Variants in RIOK3 observed in about 807,000 individuals in gnomAD.
RIOK3 encodes the protein RIO kinase 3.
In RIOK3, 40 loss-of-function variants were observed where a neutral mutation model predicts 63.5. That is an observed-to-expected ratio of 0.63 (90% CI 0.49 to 0.82). RIOK3 has a LOEUF of 0.82. Ranked by LOEUF, RIOK3 falls within the 40% of genes least tolerant of loss-of-function variation. The pLI, the probability that RIOK3 is intolerant of heterozygous loss-of-function variation, is 0.00. For synonymous variants in RIOK3, 193 were observed against 205.0 expected (o/e 0.94, Z 0.50); for missense variants, 557 against 637.0 (o/e 0.87, Z 1.35).
chr18:23,462,338 A>G (rs11082515), intron 1 of RIOK3, among the ~76,000 whole-genome samples: 23,852 of 151,810 alleles, frequency 0.16, 2,990 homozygotes, highest in East Asian at 0.34. Context: ...ATGGGGTTTC[A>G]CCATGTTGGC....
chr18:23,474,912 T>C lies in RIOK3; in HGVS notation c.1014-36T>C, dbSNP rs1226334526. On this transcript the variant is annotated intron_variant, in intron 8 of 12. Coordinates refer to ENST00000339486, the MANE Select transcript of RIOK3 (RefSeq NM_003831.5). ...ATAAATGACATATTTTCTCTCCTTC[T>C]GATCTGTATATTCTGAATCATTTCT... 4.6e-6 allele frequency: 7 copies of C among 1,516,640 alleles called. No individual in the cohort carries two copies. In the East Asian group the frequency reaches 1.6e-4, roughly 34 times the overall value. 93.9% of individuals were successfully genotyped at this position (1,516,640 alleles called of 1,614,324 possible).
intron 1 of RIOK3, among the ~76,000 whole-genome samples, chr18:23,456,639 C>CA (rs1333582748): frequency 2.6e-5 from 4 of 152,142 alleles, no homozygotes; most frequent in Non-Finnish European, 5.9e-5. Context: ...GCAGTCTTCC[C>CA]ACCATGGCCT....
chr18:23,458,342 G>A (rs2057353883), intron 1 of RIOK3, among the ~76,000 whole-genome samples: 2 of 152,154 alleles, frequency 1.3e-5, no homozygotes, highest in Non-Finnish European at 2.9e-5. Flanking sequence ...GTGCAGCCAG[G>A]CAGGTGGGGG....
chr18:23,473,619 C>G lies in RIOK3; in HGVS notation c.1006C>G (p.Leu336Val), dbSNP rs35401850. The change falls in exon 8 of 13, where the codon CTC becomes GTC. Residue 336 changes from leucine (L) to valine (V), a missense_variant. Physicochemically the swap from Leu to Val is conservative, Grantham distance 32. Transcript: ENST00000339486. ...GTGGGCAGAAAAAGAAATGCACAATCTCGCAAGGTAAAGAAAATATTGTGC... is the reference window on the plus strand; with the variant it reads ...GTGGGCAGAAAAAGAAATGCACAATGTCGCAAGGTAAAGAAAATATTGTGC... ...RMWAEKEMHN[L>V]ARMQRAGIPC... The G allele has an allele frequency of 1.9e-5, 30 of 1,610,864 alleles. No individual in the cohort carries two copies. Among genetic ancestry groups the G allele is most frequent in the Non-Finnish European group, 2.5e-5 (29 of 1,177,942 alleles).
chr18:23,465,811 G>T (rs1474679903), intron 5 of RIOK3, among the ~76,000 whole-genome samples: 1 of 152,184 alleles, frequency 6.6e-6, no homozygotes, highest in East Asian at 1.9e-4. Flanking sequence ...GTAAGATTTG[G>T]TGTAGCCTTC....
intron 7 of RIOK3, among the ~76,000 whole-genome samples, chr18:23,472,979 G>A (rs909728193): frequency 4.6e-5 from 7 of 152,048 alleles, no homozygotes; most frequent in Admixed American, 2.6e-4. Flanking sequence ...TTTATTCTCC[G>A]TTGCCACTTC....
Position 23,477,002 on chromosome 18 carries a change from A to G in RIOK3, c.1174-4A>G. On this transcript the variant is annotated splice_polypyrimidine_tract_variant and splice_region_variant and intron_variant, in intron 9 of 12. Transcript: ENST00000339486. The stretch of plus-strand genomic sequence containing the variant: ...TTCCTAATGTGTGCCTTCCCTCTTC[A>G]CAGTTGATGCGGCAGTTATATCATG... 6.2e-7 allele frequency: 1 copy of G among 1,611,576 alleles called. No homozygotes were observed. The highest frequency in any genetic ancestry group is 8.5e-7 in the Non-Finnish European group (1 of 1,178,194).
At chr18:23,455,213 A>C (rs2057330826) in intron 1 of RIOK3, among the ~76,000 whole-genome samples, 1 of 151,576 alleles carries the variant, frequency 6.6e-6, no homozygotes. Context: ...CTGGGATTAC[A>C]GGCGCCTGCC....
Position 23,482,272 on chromosome 18 carries a change from G to A in RIOK3, c.*993G>A, listed in dbSNP as rs995893739. On this transcript the variant is annotated 3_prime_UTR_variant, in exon 13 of 13. Coordinates refer to ENST00000339486, the MANE Select transcript of RIOK3 (RefSeq NM_003831.5). ...AACCTGTAATCCCAGCACTTTGGGA[G>A]ACCAAGGCGGGTGGATCACTTGAGG... The A allele has an allele frequency of 6.6e-6, 1 of 152,162 alleles. No homozygotes were observed. The highest frequency in any genetic ancestry group is 2.4e-5 in the African/African-American group (1 of 41,440). 9.4% of individuals were successfully genotyped at this position (152,162 alleles called of 1,614,324 possible). A position where few individuals can be genotyped will look rare whatever the true frequency, so the allele number is the denominator to read the frequency against.
chr18:23,472,259 T>C (rs966983253), intron 7 of RIOK3, among the ~76,000 whole-genome samples: 1 of 151,412 alleles, frequency 6.6e-6, no homozygotes, highest in African/African-American at 2.4e-5. Flanking sequence ...GTGGGAGTTG[T>C]CTATATAGAG....
In RIOK3 at chr18:23,467,478, G is replaced by A. The variant is rs1809279368; in HGVS notation, c.767G>A (p.Cys256Tyr). 6.2e-7 allele frequency: 1 copy of A among 1,613,492 alleles called. No homozygotes were observed. Among genetic ancestry groups the A allele is most frequent in the South Asian group, 1.1e-5 (1 of 91,064 alleles). Residue 256 changes from cysteine to tyrosine, a missense_variant, in exon 7 of 13, where the codon TGT becomes TAT. Physicochemically the swap from Cys to Tyr is radical, Grantham distance 194. Coordinates refer to ENST00000339486, the MANE Select transcript of RIOK3 (RefSeq NM_003831.5). The part of the protein sequence containing the change: ...NSGMLETITG[C>Y]ISTGKESVVF... ...GGAATGTTGGAGACAATCACTGGCT[G>A]TATTAGTACAGGAAAGGAGTCTGTT...
chr18:23,480,866 C>T (rs1160072985), intron 12 of RIOK3, among the ~76,000 whole-genome samples: 5 of 152,156 alleles, frequency 3.3e-5, no homozygotes, highest in Non-Finnish European at 7.4e-5. Flanking sequence ...GCGGGTGGAA[C>T]ACCTGAGGTC....
Position 23,456,159 on chromosome 18 carries a change from TG to T in RIOK3, c.63+2660del. 1.3e-5 allele frequency among the ~76,000 whole-genome samples: 2 copies of T among 152,228 alleles called. 1 individual carries two copies. The highest frequency in any genetic ancestry group is 4.1e-4 in the South Asian group (2 of 4,820). The stretch of plus-strand genomic sequence containing the variant: ...GTTGCCTAGGCTGGTCTTGAACTCC[TG>T]GGCTCAAGCAGTACCCCACCCCCTT... On this transcript the variant is annotated intron_variant, in intron 1 of 12. Coordinates refer to ENST00000339486, the MANE Select transcript of RIOK3 (RefSeq NM_003831.5).
At chr18:23,465,042 C>T (rs1415846777) in intron 5 of RIOK3, among the ~76,000 whole-genome samples, 1 of 152,086 alleles carries the variant, frequency 6.6e-6, no homozygotes, top group Non-Finnish European at 1.5e-5. Context: ...GCCTGAACTA[C>T]CTGTGTAAAA....
At position 23,481,263 on chromosome 18, in the gene RIOK3, T is replaced by A; in HGVS notation, c.1544T>A (p.Leu515Gln). The A allele has an allele frequency of 1.9e-6, 3 of 1,599,464 alleles. No individual in the cohort carries two copies. The highest frequency in any genetic ancestry group is 4.5e-5 in the East Asian group (2 of 44,820). ...SFLKDDGDPP[L>Q]LYDE ...TTGAAAGATGATGGAGACCCACCACTACTATATGATGAATAGCACTAATAC... is the reference window on the plus strand; with the variant it reads ...TTGAAAGATGATGGAGACCCACCACAACTATATGATGAATAGCACTAATAC... Residue 515 changes from leucine to glutamine, a missense_variant, in exon 13 of 13, where the codon CTA becomes CAA. Coordinates refer to ENST00000339486, the MANE Select transcript of RIOK3 (RefSeq NM_003831.5).
chr18:23,465,384 A>G (rs1269260319), intron 5 of RIOK3, among the ~76,000 whole-genome samples: 1 of 151,546 alleles, frequency 6.6e-6, no homozygotes, highest in Non-Finnish European at 1.5e-5. Flanking sequence ...AAAAACAAAC[A>G]AAAAAAAAGC....
intron 5 of RIOK3, among the ~76,000 whole-genome samples, chr18:23,464,949 G>A (rs1401822213): frequency 6.6e-6 from 1 of 152,026 alleles, no homozygotes; most frequent in Admixed American, 6.6e-5. Flanking sequence ...AACAGATAAC[G>A]GTGGCGATTG....
rs776488572 is a variant in RIOK3, at chr18:23,453,518, G to T, written c.63+16G>T. ...ACCCAGCAAGGTAAGTGGCAGACGA[G>T]ACTGGAGTACTAGCCTTGGTCACAC... is the stretch of plus-strand genomic sequence containing the variant. On this transcript the variant is annotated intron_variant, in intron 1 of 12. Transcript: ENST00000339486. 1 of 1,602,096 alleles carries T rather than the reference G, an allele frequency of 6.2e-7. No homozygotes were observed. Among genetic ancestry groups the T allele is most frequent in the Admixed American group, 1.7e-5 (1 of 60,022 alleles).
chr18:23,463,978 G>A lies in RIOK3; in HGVS notation c.191G>A (p.Gly64Glu). Residue 64 changes from glycine to glutamate, a missense_variant, in exon 3 of 13, where the codon GGA becomes GAA. Gly to Glu is a moderately conservative substitution (Grantham distance 98). Transcript: ENST00000339486. ...CTTATTTTGAATAGTGTTGCTGAAG[G>A]ACCATTTATTACTGGAGAAAACATT... ...AVFPEVAVAE[G>E]PFITGENIDT... is the part of the protein sequence containing the mutation. The A allele has an allele frequency of 5.0e-6, 8 of 1,605,142 alleles. No individual in the cohort carries two copies. The highest frequency in any genetic ancestry group is 6.8e-6 in the Non-Finnish European group (8 of 1,177,546).
Sources: gnomAD v4.1 joint callset for allele counts (sites outside exome capture counted in the v4.1 genomes callset) on GRCh38, gnomAD v4.1.1 for gene constraint, MANE v1.5 for transcripts, NCBI Gene and HGNC (gene_info 2026-07-23, HGNC 2026-07-21) for gene names.